CHIC1: variants seen among roughly 807,000 people sequenced by gnomAD.
CHIC1 encodes the protein cysteine rich hydrophobic domain 1.
Under a neutral mutation model 18.5 loss-of-function variants are expected in CHIC1, and 7 were observed. That is an observed-to-expected ratio of 0.38 (90% confidence interval 0.22 to 0.71). The LOEUF is 0.71. Ranked by LOEUF, CHIC1 falls within the 30% of genes least tolerant of loss-of-function variation. CHIC1 has a pLI of 0.49. For missense variants in CHIC1, 159 were observed against 176.9 expected (o/e 0.90, Z 0.57); for synonymous variants, 77 against 73.5 (o/e 1.05, Z -0.25).
rs761688338 is a variant in CHIC1, at chrX:73,686,639, CAAGT to C, written c.*5637_*5640del. The stretch of plus-strand genomic sequence containing the variant: ...TTGTTTTAATGCCTGGACTTTGAAA[CAAGT>C]AACAAGTGTTTGAAAGTATATAATC... On this transcript the variant is annotated 3_prime_UTR_variant, in exon 6 of 6. Transcript: ENST00000373502. 1 of 111,386 alleles carries C rather than the reference CAAGT, an allele frequency of 9.0e-6. No individual in the cohort carries two copies. Among genetic ancestry groups the C allele is most frequent in the African/African-American group, 3.3e-5 (1 of 30,757 alleles). 9.2% of individuals were successfully genotyped at this position (111,386 alleles called of 1,213,427 possible).
At position 73,684,562 on chromosome X, in the gene CHIC1, A is replaced by G. The variant is rs1413771556; in HGVS notation, c.*3557A>G. The G allele has an allele frequency of 9.0e-6, 1 of 111,475 alleles. No homozygotes were observed. The allele number at this position is 111,475 out of a possible 1,213,427, so 9.2% of individuals were successfully genotyped here. A position where few individuals can be genotyped will look rare whatever the true frequency, so the allele number is the denominator to read the frequency against. On this transcript the variant is annotated 3_prime_UTR_variant, in exon 6 of 6. Transcript: ENST00000373502. The stretch of plus-strand genomic sequence containing the variant: ...TTAAAATGTACTATATTGACCTAGG[A>G]GGATATAGAAATTATATTCACCTGA...
At chrX:73,646,669 T>C (rs1185016877) in intron 3 of CHIC1, among the ~76,000 whole-genome samples, 1 of 112,244 alleles carries the variant, frequency 8.9e-6, no homozygotes, top group Non-Finnish European at 1.9e-5. Flanking sequence ...TGTATGTTGA[T>C]TTTGTATCTT....
intron 3 of CHIC1, among the ~76,000 whole-genome samples, chrX:73,658,668 G>C (rs2147616215): frequency 9.1e-6 from 1 of 109,608 alleles, no homozygotes; most frequent in South Asian, 4.0e-4. Flanking sequence ...TTTCTTATCT[G>C]CTACTAAATT....
intron 3 of CHIC1, among the ~76,000 whole-genome samples, chrX:73,594,295 C>T (rs2057596595): frequency 9.0e-6 from 1 of 110,824 alleles, no homozygotes; most frequent in Admixed American, 9.7e-5. Context: ...CTCAGCCTCT[C>T]CAGTAGCTGG....
intron 1 of CHIC1, among the ~76,000 whole-genome samples, chrX:73,567,580 C>T (rs1341038320): frequency 9.0e-6 from 1 of 111,155 alleles, no homozygotes; most frequent in African/African-American, 3.3e-5. Flanking sequence ...CCTTGTCATC[C>T]TCACATCCAT....
At chrX:73,589,291 T>C (rs1055885150) in intron 3 of CHIC1, among the ~76,000 whole-genome samples, 1 of 111,036 alleles carries the variant, frequency 9.0e-6, no homozygotes, top group African/African-American at 3.3e-5. Context: ...ACTTCCACTA[T>C]TTTGCTATTT....
intron 1 of CHIC1, 32 bp downstream of exon 1, chrX:73,563,612 G>C: frequency 5.8e-6 from 6 of 1,043,301 alleles, no homozygotes; most frequent in Non-Finnish European, 7.4e-6. Flanking sequence ...GACTTGAAAT[G>C]CCTGAGATTT....
intron 1 of CHIC1, among the ~76,000 whole-genome samples, chrX:73,568,971 T>C (rs779376650): frequency 9.0e-6 from 1 of 111,661 alleles, no homozygotes; most frequent in South Asian, 3.7e-4. Flanking sequence ...TTTTTTAAGG[T>C]TTTAGGCTTT....
At chrX:73,652,215 C>T (rs779236721) in intron 3 of CHIC1, among the ~76,000 whole-genome samples, 17 of 112,034 alleles carry the variant, frequency 1.5e-4, no homozygotes, top group South Asian at 1.1e-3. Flanking sequence ...CCCTTCCTTA[C>T]ACCTTATACA....
intron 3 of CHIC1, among the ~76,000 whole-genome samples, chrX:73,674,089 G>T (rs1229075719): frequency 4.5e-5 from 5 of 111,810 alleles, no homozygotes; most frequent in Non-Finnish European, 7.5e-5. Context: ...TTGCATCCCA[G>T]GGAAGAAGCC....
chrX:73,673,586 G>C lies in CHIC1; in HGVS notation c.508-5740G>C, dbSNP rs182549337. 2.1e-3 allele frequency among the ~76,000 whole-genome samples: 233 copies of C among 111,788 alleles called. 1 individual carries two copies. The highest frequency in any genetic ancestry group is 7.1e-3 in the African/African-American group (218 of 30,742). On this transcript the variant is annotated intron_variant, in intron 3 of 5. Coordinates refer to ENST00000373502, the MANE Select transcript of CHIC1 (RefSeq NM_001039840.4). ...TTGTATAAGAATGCTTGTGATTTTT[G>C]TACATTGATTTTGTATCCTGAGATT...
chrX:73,631,711 A>T (rs1445350985), intron 3 of CHIC1, among the ~76,000 whole-genome samples: 1 of 111,633 alleles, frequency 9.0e-6, no homozygotes, highest in Non-Finnish European at 1.9e-5. Flanking sequence ...CTTTTGTTGC[A>T]TCTCATAAGT....
intron 3 of CHIC1, among the ~76,000 whole-genome samples, chrX:73,671,942 C>T (rs1203011923): frequency 9.1e-6 from 1 of 110,455 alleles, no homozygotes; most frequent in Non-Finnish European, 1.9e-5. Context: ...ACAACAGTCC[C>T]CGGTGTGTGA....
intron 3 of CHIC1, among the ~76,000 whole-genome samples, chrX:73,640,367 C>T (rs2057849804): frequency 8.9e-6 from 1 of 111,885 alleles, no homozygotes; most frequent in Admixed American, 9.5e-5. Context: ...AGCTTGCATC[C>T]CAGGGATAAA....
At chrX:73,601,474 G>T (rs951751622) in intron 3 of CHIC1, among the ~76,000 whole-genome samples, 2 of 106,032 alleles carry the variant, frequency 1.9e-5, no homozygotes, top group African/African-American at 3.7e-5. Context: ...GGTACATAAC[G>T]AAATGAAGGC....
In CHIC1 at chrX:73,580,053, T is replaced by C. The variant is rs774485373; in HGVS notation, c.351+2592T>C. Among the ~76,000 whole-genome samples, 4 of 110,493 alleles carry C rather than the reference T, an allele frequency of 3.6e-5. No individual in the cohort carries two copies. In the South Asian group the frequency reaches 1.5e-3, roughly 42 times the overall value. On this transcript the variant is annotated intron_variant, in intron 2 of 5. Coordinates refer to ENST00000373502, the MANE Select transcript of CHIC1 (RefSeq NM_001039840.4). ...CTAGAAATGAATAATCAAAAAAATA[T>C]GTCAGTGTATAAAATTCCCAGGCAT...
intron 3 of CHIC1, among the ~76,000 whole-genome samples, chrX:73,656,159 CTTGTT>C (rs2057947986): frequency 9.0e-6 from 1 of 111,051 alleles, no homozygotes; most frequent in Non-Finnish European, 1.9e-5. Flanking sequence ...GGATTTTTCT[CTTGTT>C]AAGTTTGTTT....
At chrX:73,583,775 T>C (rs747017813) in intron 2 of CHIC1, among the ~76,000 whole-genome samples, 1 of 111,449 alleles carries the variant, frequency 9.0e-6, no homozygotes, top group Non-Finnish European at 1.9e-5. Flanking sequence ...ATATTAAACT[T>C]GTGTATTTAA....
At chrX:73,633,304 T>C (rs1409017091) in intron 3 of CHIC1, among the ~76,000 whole-genome samples, 12 of 105,156 alleles carry the variant, frequency 1.1e-4, no homozygotes, top group African/African-American at 4.1e-4. Context: ...CTAGGTACAG[T>C]ATTATTGATT....
Sources: gnomAD v4.1 joint callset for allele counts (sites outside exome capture counted in the v4.1 genomes callset) on GRCh38, gnomAD v4.1.1 for gene constraint, MANE v1.5 for transcripts, NCBI Gene and HGNC (gene_info 2026-07-23, HGNC 2026-07-21) for gene names.